ARK2C: variants seen among roughly 807,000 people sequenced by gnomAD.
The protein encoded by ARK2C is arkadia (RNF111) C-terminal like ring finger ubiquitin ligase 2C, also known as E3 ubiquitin-protein ligase ARK2C.
chr18:46,334,108 C>G, the ARK2C span: 2 of 170,888 alleles, frequency 1.2e-5, no homozygotes, highest in East Asian at 2.0e-4. The surrounding 1 kb of genome is among the most constrained non-coding windows in gnomAD (Gnocchi z 4.4). Context: ...TTCCATGGGC[C>G]ATCTGTCTCC....
the ARK2C span, chr18:46,386,265 C>A: frequency 6.6e-6 from 1 of 152,174 alleles, no homozygotes; most frequent in African/African-American, 2.4e-5. Flanking sequence ...TGTCCGACAC[C>A]CTTCTACTCT....
At chr18:46,425,908 G>C in the ARK2C span, among the ~76,000 whole-genome samples, 3 of 152,190 alleles carry the variant, frequency 2.0e-5, no homozygotes, top group Non-Finnish European at 2.9e-5. Context: ...AAGGTGTTGG[G>C]AGATTTGGTG....
At chr18:46,384,523 A>T in the ARK2C span, among the ~76,000 whole-genome samples, 3 of 152,098 alleles carry the variant, frequency 2.0e-5, no homozygotes, top group South Asian at 2.1e-4. Flanking sequence ...TCTCATGGAT[A>T]CACACCCCAT....
At chr18:46,370,345 A>G in the ARK2C span, among the ~76,000 whole-genome samples, 1 of 152,208 alleles carries the variant, frequency 6.6e-6, no homozygotes, top group Non-Finnish European at 1.5e-5. Flanking sequence ...AAGACTAATA[A>G]GGTGCTAAGC....
the ARK2C span, among the ~76,000 whole-genome samples, chr18:46,369,586 C>A: frequency 6.6e-6 from 1 of 152,168 alleles, no homozygotes; most frequent in African/African-American, 2.4e-5. Flanking sequence ...CCTATTCCCA[C>A]TCCCTAACAC....
chr18:46,413,686 G>A, the ARK2C span, among the ~76,000 whole-genome samples: 3 of 152,036 alleles, frequency 2.0e-5, no homozygotes, highest in Non-Finnish European at 2.9e-5. Context: ...GGAGAGCAGC[G>A]CTTTTTCCAT....
the ARK2C span, among the ~76,000 whole-genome samples, chr18:46,388,220 A>AG: frequency 5.9e-5 from 9 of 152,338 alleles, no homozygotes; most frequent in East Asian, 1.7e-3. Context: ...AGTAAGTTGG[A>AG]GAAATCCTGT....
At chr18:46,445,363 A>G in the ARK2C span, among the ~76,000 whole-genome samples, 1 of 152,170 alleles carries the variant, frequency 6.6e-6, no homozygotes. Flanking sequence ...TTGTATGACC[A>G]AGGACTCTCT....
chr18:46,407,913 G>C, the ARK2C span, among the ~76,000 whole-genome samples: 2 of 152,196 alleles, frequency 1.3e-5, no homozygotes, highest in Non-Finnish European at 2.9e-5. Flanking sequence ...GATTGGTGGC[G>C]TCTTCAGGAT....
the ARK2C span, among the ~76,000 whole-genome samples, chr18:46,367,115 G>A: frequency 6.6e-5 from 10 of 152,304 alleles, no homozygotes; most frequent in African/African-American, 1.9e-4. Context: ...GGCTCCTACC[G>A]GCTGCCCATC....
At chr18:46,396,545 A>C in the ARK2C span, among the ~76,000 whole-genome samples, 1 of 152,190 alleles carries the variant, frequency 6.6e-6, no homozygotes, top group African/African-American at 2.4e-5. Flanking sequence ...TTTTCAGATA[A>C]TAGTTGGTAA....
chr18:46,356,695 T>A, the ARK2C span, among the ~76,000 whole-genome samples: 1 of 152,168 alleles, frequency 6.6e-6, no homozygotes, highest in African/African-American at 2.4e-5. Flanking sequence ...AGAGGGTGCC[T>A]GGGGCTTAGC....
the ARK2C span, among the ~76,000 whole-genome samples, chr18:46,371,402 C>A: frequency 1.3e-5 from 2 of 152,174 alleles, no homozygotes; most frequent in Admixed American, 1.3e-4. Flanking sequence ...GAGGCTCTGA[C>A]AATGCAACCT....
the ARK2C span, among the ~76,000 whole-genome samples, chr18:46,422,937 G>A: frequency 2.2e-4 from 34 of 152,282 alleles, no homozygotes; most frequent in African/African-American, 8.2e-4. Flanking sequence ...GCTATTACCT[G>A]ACCCAGAGTT....
At chr18:46,348,235 G>A in the ARK2C span, among the ~76,000 whole-genome samples, 5 of 151,620 alleles carry the variant, frequency 3.3e-5, no homozygotes, top group African/African-American at 7.3e-5. Context: ...GGGCTGGGGG[G>A]GGTGAGGGGA....
At chr18:46,454,073 A>G in the ARK2C span, among the ~76,000 whole-genome samples, 2 of 136,892 alleles carry the variant, frequency 1.5e-5, no homozygotes, top group Non-Finnish European at 3.0e-5. Flanking sequence ...TGATTATACC[A>G]CTGCACTCCA....
the ARK2C span, among the ~76,000 whole-genome samples, chr18:46,441,046 G>A: frequency 1.3e-5 from 2 of 152,120 alleles, no homozygotes; most frequent in Non-Finnish European, 2.9e-5. Flanking sequence ...CCAGGCTGGA[G>A]TGCACCTTGG....
chr18:46,427,809 T>C, the ARK2C span, among the ~76,000 whole-genome samples: 96 of 152,200 alleles, frequency 6.3e-4, no homozygotes, highest in South Asian at 3.3e-3. Context: ...CAGCTCAAGG[T>C]AGCCACTGCC....
At chr18:46,420,138 C>T in the ARK2C span, among the ~76,000 whole-genome samples, 4 of 152,270 alleles carry the variant, frequency 2.6e-5, no homozygotes, top group South Asian at 2.1e-4. Context: ...CTCCACTCAC[C>T]GGCTGCTGTC....
Sources: allele counts gnomAD v4.1 joint callset (sites outside exome capture counted in the v4.1 genomes callset), GRCh38; gene constraint gnomAD v4.1.1; non-coding constraint Gnocchi (gnomAD v3.1); transcripts MANE v1.5; gene names NCBI Gene and HGNC (gene_info 2026-07-23, HGNC 2026-07-21).